ERC2: variants seen among roughly 807,000 people sequenced by gnomAD.
ERC2 encodes ERC protein 2.
In ERC2, 42 loss-of-function variants were observed where a neutral mutation model predicts 114.8. That is an observed-to-expected ratio of 0.37 (90% CI 0.29 to 0.47). The LOEUF (loss-of-function observed/expected upper bound fraction) is 0.47, where lower values mean the gene tolerates loss of function less well. Among genes scored for constraint, ERC2 ranks in the 20% least tolerant of loss-of-function variants. The pLI is 0.99. For missense variants in ERC2, 939 were observed against 1,150.7 expected, an observed-to-expected ratio of 0.82 and a Z score of 2.66; for synonymous variants, 454 against 425.5, an observed-to-expected ratio of 1.07 and a Z score of -0.82.
At chr3:56,336,388 G>A (rs2057849128) in intron 2 of ERC2, among the ~76,000 whole-genome samples, 1 of 152,214 alleles carries the variant, frequency 6.6e-6, no homozygotes, top group African/African-American at 2.4e-5. Context: ...GGACCTTGCT[G>A]GGAAGACATT....
intron 14 of ERC2, among the ~76,000 whole-genome samples, chr3:55,851,508 C>T (rs1054649937): frequency 4.6e-5 from 7 of 152,192 alleles, no homozygotes; most frequent in African/African-American, 1.7e-4. Flanking sequence ...CGTGCCCAAC[C>T]CACAAACTTG....
At chr3:56,026,368 A>T (rs907702044) in intron 7 of ERC2, among the ~76,000 whole-genome samples, 1 of 152,110 alleles carries the variant, frequency 6.6e-6, no homozygotes, top group African/African-American at 2.4e-5. Context: ...CCATTTCTTG[A>T]ACCGATCTCC....
intron 17 of ERC2, among the ~76,000 whole-genome samples, chr3:55,576,113 C>T (rs1050850991): frequency 2.0e-5 from 3 of 151,970 alleles, no homozygotes; most frequent in Non-Finnish European, 4.4e-5. Context: ...GAGTTTGAGA[C>T]CAGCCTGGCC....
chr3:55,524,663 G>C (rs1559596793), intron 17 of ERC2, among the ~76,000 whole-genome samples: 1 of 152,126 alleles, frequency 6.6e-6, no homozygotes, highest in African/African-American at 2.4e-5. Flanking sequence ...TAAATTTTTG[G>C]AAGGTTAAAA....
At chr3:55,513,590 T>G (rs1247812975) in intron 17 of ERC2, among the ~76,000 whole-genome samples, 1 of 152,034 alleles carries the variant, frequency 6.6e-6, no homozygotes, top group African/African-American at 2.4e-5. Flanking sequence ...TTGTCTAGAC[T>G]TGTACATCCA....
chr3:56,282,494 A>G (rs1001402407), intron 3 of ERC2, among the ~76,000 whole-genome samples: 2 of 152,320 alleles, frequency 1.3e-5, no homozygotes, highest in South Asian at 2.1e-4. Flanking sequence ...AAAACAATAG[A>G]TGGTATGCTG....
intron 3 of ERC2, among the ~76,000 whole-genome samples, chr3:56,207,650 GA>G (rs1364066691): frequency 1.3e-5 from 2 of 152,054 alleles, no homozygotes; most frequent in African/African-American, 2.4e-5. Flanking sequence ...TTCTCAAGAA[GA>G]AAAAAACCTT....
At chr3:56,336,677 C>T (rs2057864736) in intron 2 of ERC2, among the ~76,000 whole-genome samples, 1 of 152,078 alleles carries the variant, frequency 6.6e-6, no homozygotes, top group Admixed American at 6.5e-5. Flanking sequence ...GCCTGTAATC[C>T]CAGCTACTCG....
At chr3:55,977,577 C>T (rs1350916234) in intron 12 of ERC2, among the ~76,000 whole-genome samples, 1 of 152,148 alleles carries the variant, frequency 6.6e-6, no homozygotes, top group Admixed American at 6.5e-5. Context: ...GTTTGAAAAG[C>T]GCATTGCACT....
intron 3 of ERC2, among the ~76,000 whole-genome samples, chr3:56,257,861 A>AT (rs1014563441): frequency 2.6e-5 from 4 of 152,160 alleles, no homozygotes; most frequent in African/African-American, 9.7e-5. Context: ...CTCATCAAGG[A>AT]TTTTTTATTT....
intron 10 of ERC2, among the ~76,000 whole-genome samples, chr3:56,004,215 C>A (rs1442217409): frequency 6.6e-6 from 1 of 151,996 alleles, no homozygotes; most frequent in East Asian, 1.9e-4. Context: ...CCATTTTGAA[C>A]CTCAAATACT....
chr3:55,949,841 G>C (rs562884587), intron 13 of ERC2, among the ~76,000 whole-genome samples: 2 of 152,296 alleles, frequency 1.3e-5, no homozygotes, highest in East Asian at 3.9e-4. Context: ...AGCACTCCTT[G>C]GCCAAAAATA....
intron 17 of ERC2, among the ~76,000 whole-genome samples, chr3:55,595,709 A>T (rs1401427822): frequency 6.6e-6 from 1 of 152,220 alleles, no homozygotes; most frequent in Non-Finnish European, 1.5e-5. Flanking sequence ...GAGCTATTTA[A>T]TGTTTATCAT....
intron 2 of ERC2, among the ~76,000 whole-genome samples, chr3:56,405,560 T>C (rs527624807): frequency 6.6e-6 from 1 of 152,320 alleles, no homozygotes; most frequent in South Asian, 2.1e-4. Flanking sequence ...TCAATGAATG[T>C]TCATTCATAA....
intron 14 of ERC2, among the ~76,000 whole-genome samples, chr3:55,861,353 T>C (rs2062020416): frequency 6.6e-6 from 1 of 152,174 alleles, no homozygotes; most frequent in African/African-American, 2.4e-5. Flanking sequence ...ACATAGCTCA[T>C]TGTCACTCCT....
At chr3:56,122,546 G>A (rs945161244) in intron 6 of ERC2, among the ~76,000 whole-genome samples, 6 of 152,122 alleles carry the variant, frequency 3.9e-5, no homozygotes, top group South Asian at 2.1e-4. Context: ...TTCCAAAGAA[G>A]TGTTCTCCAC....
intron 17 of ERC2, among the ~76,000 whole-genome samples, chr3:55,544,830 G>C (rs2054633115): frequency 6.6e-6 from 1 of 152,150 alleles, no homozygotes; most frequent in East Asian, 1.9e-4. Flanking sequence ...TGCTAGGGCT[G>C]TTACCTCATC....
At chr3:56,100,082 A>T (rs768313761) in intron 6 of ERC2, among the ~76,000 whole-genome samples, 4 of 152,246 alleles carry the variant, frequency 2.6e-5, no homozygotes, top group Non-Finnish European at 5.9e-5. Flanking sequence ...ATGCTCTGAG[A>T]AGTCCAGTTT....
chr3:55,802,553 C>T (rs1381405789), intron 14 of ERC2, among the ~76,000 whole-genome samples: 1 of 152,084 alleles, frequency 6.6e-6, no homozygotes, highest in East Asian at 1.9e-4. Flanking sequence ...TATCTCAGTG[C>T]TTTTTAAATG....
Sources: allele counts gnomAD v4.1 joint callset (sites outside exome capture counted in the v4.1 genomes callset), GRCh38; gene constraint gnomAD v4.1.1; transcripts MANE v1.5; gene names NCBI Gene and HGNC (gene_info 2026-07-23, HGNC 2026-07-21).